The following UTP20 variants were observed in gnomAD, a reference collection of about 807,000 sequenced individuals.
UTP20 encodes UTP20 small subunit processome component.
In UTP20, 164 loss-of-function variants were observed where a neutral mutation model predicts 329.5. That is an observed-to-expected ratio of 0.50 (90% CI 0.44 to 0.57). The LOEUF (loss-of-function observed/expected upper bound fraction) is 0.57. Ranked by LOEUF, UTP20 falls within the 20% of genes least tolerant of loss-of-function variation. The pLI is 0.00. For synonymous variants in UTP20, 1,151 were observed against 1,159.3 expected, an observed-to-expected ratio of 0.99 and a Z score of 0.14; for missense variants, 3,055 against 3,284.2, an observed-to-expected ratio of 0.93 and a Z score of 1.71.
In UTP20 at chr12:101,375,723, A is replaced by C. The variant is rs1288050832; in HGVS notation, c.7363A>C (p.Thr2455Pro). The change falls in exon 56 of 62, where the codon ACC (threonine) becomes CCC (proline). Residue 2455 changes from threonine to proline, a missense_variant. Thr to Pro is a conservative substitution (Grantham distance 38, BLOSUM62 -1). Transcript: ENST00000261637. Reference sequence around the variant, plus strand: ...CAAGGAATGTAATATTATTCAGTTTACCAAACCCGCTGAGACTTTGAGTAA... The same window carrying C: ...CAAGGAATGTAATATTATTCAGTTTCCCAAACCCGCTGAGACTTTGAGTAA... ...LIKECNIIQF[T>P]KPAETLSKIW... 6.9e-6 allele frequency: 11 copies of C among 1,597,288 alleles called. No homozygotes were observed. The South Asian group carries it at 1.2e-4, about 18-fold the overall frequency.
rs201418323 is a variant in UTP20, at chr12:101,363,570, C to G, written c.5791-6C>G. The G allele has an allele frequency of 2.5e-4, 406 of 1,605,078 alleles. No homozygotes were observed. The highest frequency in any genetic ancestry group is 3.3e-4 in the Non-Finnish European group (387 of 1,176,310). ...ATAATTGCCATTTGTCCTTTTTCTT[C>G]CAAAGATTTTTAACCATGAGTTGTT... is the stretch of plus-strand genomic sequence containing the variant. On this transcript the variant is annotated splice_polypyrimidine_tract_variant and splice_region_variant and intron_variant, in intron 44 of 61. Coordinates refer to ENST00000261637, the MANE Select transcript of UTP20 (RefSeq NM_014503.3).
chr12:101,365,673 A>T, intron 46 of UTP20, 48 bp downstream of exon 46: 7 of 1,450,852 alleles, frequency 4.8e-6, no homozygotes, highest in African/African-American at 1.5e-5. Flanking sequence ...TGCGTCTGAT[A>T]AGCCATTCTG....
At chr12:101,330,979 C>T (rs748035616) in intron 27 of UTP20, among the ~76,000 whole-genome samples, 2 of 152,158 alleles carry the variant, frequency 1.3e-5, no homozygotes, top group Non-Finnish European at 2.9e-5. Flanking sequence ...TGTGCTTGAG[C>T]TCAGTTATAT....
At chr12:101,359,484 T>A (rs1163830847) in intron 43 of UTP20, among the ~76,000 whole-genome samples, 1 of 137,398 alleles carries the variant, frequency 7.3e-6, no homozygotes, top group Non-Finnish European at 1.5e-5. Context: ...TGTGTGTGTG[T>A]GTATGTATGT....
intron 5 of UTP20, among the ~76,000 whole-genome samples, chr12:101,287,914 C>T (rs987847961): frequency 5.3e-5 from 8 of 152,290 alleles, no homozygotes; most frequent in Admixed American, 2.0e-4. Context: ...GGCCGAGCAG[C>T]CTGTATAAGG....
chr12:101,297,122 G>A (rs554080210), intron 12 of UTP20, among the ~76,000 whole-genome samples: 22 of 152,202 alleles, frequency 1.4e-4, no homozygotes, highest in Non-Finnish European at 2.6e-4. Context: ...GGAGGTGGGA[G>A]TTACTGTCCC....
intron 39 of UTP20, 102 bp downstream of exon 39, chr12:101,352,296 T>C: frequency 7.8e-7 from 1 of 1,287,724 alleles, no homozygotes; most frequent in Non-Finnish European, 1.1e-6. Context: ...ATCCAGTCTA[T>C]CATTGTTGGA....
At chr12:101,315,936 G>A (rs1189839207) in intron 21 of UTP20, among the ~76,000 whole-genome samples, 2 of 152,006 alleles carry the variant, frequency 1.3e-5, no homozygotes, top group African/African-American at 4.8e-5. Context: ...ACAGGGAGTG[G>A]GTCTCTGAGT....
At chr12:101,365,431 C>G (rs778412298) in intron 45 of UTP20, 28 bp from the exon 46 acceptor site, 3 of 1,542,634 alleles carry the variant, frequency 1.9e-6, no homozygotes, top group Non-Finnish European at 2.6e-6. Flanking sequence ...TGTGTCATCT[C>G]AGCATGACAT....
intron 38 of UTP20, among the ~76,000 whole-genome samples, chr12:101,348,605 A>C (rs1443075102): frequency 6.6e-6 from 1 of 151,618 alleles, no homozygotes; most frequent in Non-Finnish European, 1.5e-5. Context: ...GTGGAGATCC[A>C]GTTATTGATC....
At position 101,300,004 on chromosome 12, in the gene UTP20, G is replaced by A. The variant is rs373930284; in HGVS notation, c.1618G>A (p.Val540Ile). The part of the protein sequence containing the change: ...PLEKEKVIPL[V>I]TGFIEALFMT... ...TGAGAAAGAGAAGGTGATACCACTC[G>A]TCACCGGCTTCATAGAGGCACTCTT... The change falls in exon 14 of 62, where the codon GTC (valine) becomes ATC (isoleucine). Residue 540 changes from valine (V) to isoleucine (I), a missense_variant. Physicochemically the swap from Val to Ile is conservative, Grantham distance 29. Around this residue, in one of 3 missense-constraint regions of UTP20, gnomAD observed 2,445 missense variants for 2,575.5 expected, o/e 0.95. Coordinates refer to ENST00000261637, the MANE Select transcript of UTP20 (RefSeq NM_014503.3). 222 of 1,614,014 alleles carry A rather than the reference G, an allele frequency of 1.4e-4. No individual in the cohort carries two copies. The highest frequency in any genetic ancestry group is 2.3e-4 in the Admixed American group (14 of 60,012).
At chr12:101,358,950 G>A (rs1176270442) in intron 43 of UTP20, among the ~76,000 whole-genome samples, 1 of 152,122 alleles carries the variant, frequency 6.6e-6, no homozygotes, top group Non-Finnish European at 1.5e-5. Context: ...TTATTTTTCA[G>A]CAGTTTGATC....
intron 25 of UTP20, among the ~76,000 whole-genome samples, chr12:101,321,840 G>T (rs1868379946): frequency 6.6e-6 from 1 of 151,838 alleles, no homozygotes; most frequent in African/African-American, 2.4e-5. Flanking sequence ...GACCTCCCAG[G>T]CTCAAGTGAT....
chr12:101,285,517 G>A (rs1871931531), intron 2 of UTP20, 53 bp from the exon 3 acceptor site: 1 of 1,542,354 alleles, frequency 6.5e-7, no homozygotes. Flanking sequence ...TATTTACCTT[G>A]ATCATTGCTT....
chr12:101,355,607 T>C (rs1869692822), intron 41 of UTP20, among the ~76,000 whole-genome samples: 1 of 152,212 alleles, frequency 6.6e-6, no homozygotes, highest in Admixed American at 6.5e-5. Context: ...ACGGTTTTAT[T>C]GGAACACAAT....
At chr12:101,370,070 A>AAT (rs1565807032) in intron 49 of UTP20, among the ~76,000 whole-genome samples, 179 bp downstream of exon 49, 1 of 151,306 alleles carries the variant, frequency 6.6e-6, no homozygotes, top group East Asian at 1.9e-4. Flanking sequence ...AAAAAAAAAA[A>AAT]TTAGCTGGGC....
At chr12:101,286,208 A>G (rs940691868) in intron 4 of UTP20, 113 bp from the exon 5 acceptor site, 11 of 1,000,634 alleles carry the variant, frequency 1.1e-5, no homozygotes, top group Non-Finnish European at 1.6e-5. Context: ...GACTTGATTT[A>G]GAAGTATTTT....
intron 27 of UTP20, 149 bp from the exon 28 acceptor site, chr12:101,333,152 T>G: frequency 1.4e-6 from 1 of 721,652 alleles, no homozygotes; most frequent in South Asian, 2.0e-5. Flanking sequence ...GTTTGCTTGG[T>G]TGGTGTTCCC....
chr12:101,284,125 A>G (rs1443774125), intron 2 of UTP20, among the ~76,000 whole-genome samples: 1 of 151,942 alleles, frequency 6.6e-6, no homozygotes, highest in Non-Finnish European at 1.5e-5. Flanking sequence ...TACAGGGGGT[A>G]CCTGTGCAGG....
Sources: gnomAD v4.1 joint callset for allele counts (sites outside exome capture counted in the v4.1 genomes callset) on GRCh38, gnomAD v4.1.1 for gene constraint, gnomAD v4.1.1 regional missense constraint, MANE v1.5 for transcripts, NCBI Gene and HGNC (gene_info 2026-07-23, HGNC 2026-07-21) for gene names.